The following ATG5 variants were observed in gnomAD, a reference collection of about 807,000 sequenced individuals.
ATG5 encodes the protein autophagy protein 5.
ATG5 carries 14 observed loss-of-function variants against 36.5 expected under a neutral mutation model. The ratio of observed to expected loss-of-function variants is 0.38; its 90% CI spans 0.25 to 0.60. The LOEUF (loss-of-function observed/expected upper bound fraction) is 0.60, where lower values mean the gene tolerates loss of function less well. ATG5 is among the 20% of genes least tolerant of loss of function. The pLI is 0.60. For missense variants in ATG5, 195 were observed against 326.7 expected (o/e 0.60, Z 3.11); for synonymous variants, 95 against 101.5 (o/e 0.94, Z 0.38).
chr6:106,234,983 A>G (rs1777837169), intron 6 of ATG5, among the ~76,000 whole-genome samples: 1 of 150,240 alleles, frequency 6.7e-6, no homozygotes, highest in Non-Finnish European at 1.5e-5. Flanking sequence ...GAATGTTGTT[A>G]TTATGTTATT....
At chr6:106,220,766 G>GA (rs562555626) in intron 6 of ATG5, among the ~76,000 whole-genome samples, 38 of 150,540 alleles carry the variant, frequency 2.5e-4, no homozygotes, top group African/African-American at 8.5e-4. Flanking sequence ...GAGAAGAACA[G>GA]AAAAAAAAAT....
chr6:106,280,932 T>A (rs1473868041), intron 4 of ATG5, among the ~76,000 whole-genome samples: 1 of 152,142 alleles, frequency 6.6e-6, no homozygotes, highest in Non-Finnish European at 1.5e-5. Context: ...TATTCAAACA[T>A]TATTTTACAA....
chr6:106,202,181 G>A, intron 6 of ATG5, 92 bp from the exon 7 acceptor site: 1 of 920,112 alleles, frequency 1.1e-6, no homozygotes, highest in Non-Finnish European at 1.7e-6. Flanking sequence ...GTTGGCATTA[G>A]GTGCCTTTTG....
chr6:106,302,845 G>A (rs1054228502), intron 3 of ATG5, among the ~76,000 whole-genome samples: 2 of 151,862 alleles, frequency 1.3e-5, no homozygotes, highest in Non-Finnish European at 2.9e-5. Flanking sequence ...AGACCCGAAT[G>A]AAAACAAAAA....
chr6:106,221,717 A>G (rs1397105131), intron 6 of ATG5, among the ~76,000 whole-genome samples: 1 of 151,724 alleles, frequency 6.6e-6, no homozygotes, highest in Admixed American at 6.6e-5. Flanking sequence ...GAAAGAAAAA[A>G]AAATCAAAAC....
intron 6 of ATG5, chr6:106,217,631 G>C (rs1777091389): frequency 6.6e-6 from 1 of 152,088 alleles, no homozygotes; most frequent in Non-Finnish European, 1.5e-5. Context: ...GCCATAGTAA[G>C]GGAACTCTTC....
chr6:106,322,187 C>G (rs1483739544), intron 1 of ATG5, among the ~76,000 whole-genome samples: 1 of 152,050 alleles, frequency 6.6e-6, no homozygotes, highest in African/African-American at 2.4e-5. Context: ...GCATCTAGTT[C>G]AGAGCCTGGG....
At chr6:106,228,220 G>A (rs996984743) in intron 6 of ATG5, among the ~76,000 whole-genome samples, 1 of 152,188 alleles carries the variant, frequency 6.6e-6, no homozygotes, top group African/African-American at 2.4e-5. Context: ...CTTCTGGTCC[G>A]TGTTTGTTAC....
chr6:106,201,361 C>A (rs1234844734), intron 7 of ATG5, among the ~76,000 whole-genome samples: 2 of 151,220 alleles, frequency 1.3e-5, no homozygotes, highest in South Asian at 4.2e-4. Context: ...TTGTTTTCTG[C>A]ATTTTCTTGG....
At chr6:106,229,436 G>GGA (rs899268653) in intron 6 of ATG5, among the ~76,000 whole-genome samples, 20 of 149,542 alleles carry the variant, frequency 1.3e-4, no homozygotes, top group East Asian at 5.8e-4. Context: ...GAGACAGAGA[G>GGA]GAGAGAGAGA....
chr6:106,296,471 T>G (rs978466964), intron 3 of ATG5, among the ~76,000 whole-genome samples: 8 of 152,242 alleles, frequency 5.3e-5, no homozygotes. Flanking sequence ...TACCCTTCTT[T>G]CATTTTCTTA....
chr6:106,247,218 A>G (rs1203420973), intron 6 of ATG5, among the ~76,000 whole-genome samples: 1 of 152,174 alleles, frequency 6.6e-6, no homozygotes, highest in Non-Finnish European at 1.5e-5. Flanking sequence ...TGGAAGTCCT[A>G]CTAGATTAGA....
chr6:106,223,918 A>C (rs1777347753), intron 6 of ATG5, among the ~76,000 whole-genome samples: 1 of 152,238 alleles, frequency 6.6e-6, no homozygotes, highest in Non-Finnish European at 1.5e-5. Flanking sequence ...CAAAATGAGG[A>C]GGTTAAATTA....
chr6:106,231,330 C>A (rs985057984), intron 6 of ATG5, among the ~76,000 whole-genome samples: 1 of 152,144 alleles, frequency 6.6e-6, no homozygotes, highest in Non-Finnish European at 1.5e-5. Flanking sequence ...GAAGTGTCGC[C>A]GTAACTGCAG....
At chr6:106,316,549 C>T (rs1770857855) in intron 1 of ATG5, among the ~76,000 whole-genome samples, 1 of 152,130 alleles carries the variant, frequency 6.6e-6, no homozygotes, top group Admixed American at 6.6e-5. Flanking sequence ...ACTGTATCTG[C>T]ATCAGTCTTT....
chr6:106,302,897 G>A (rs1357828029), intron 3 of ATG5, among the ~76,000 whole-genome samples: 1 of 152,012 alleles, frequency 6.6e-6, no homozygotes, highest in African/African-American at 2.4e-5. Flanking sequence ...AAGCCTGGCT[G>A]AAATAGATAT....
intron 6 of ATG5, among the ~76,000 whole-genome samples, chr6:106,235,412 G>A (rs539126717): frequency 1.1e-4 from 17 of 152,204 alleles, no homozygotes; most frequent in South Asian, 4.1e-4. Flanking sequence ...CCCCAATTCC[G>A]CAGGAAGCAG....
At chr6:106,283,073 G>A (rs1311230252) in intron 4 of ATG5, among the ~76,000 whole-genome samples, 1 of 152,052 alleles carries the variant, frequency 6.6e-6, no homozygotes, top group South Asian at 2.1e-4. Context: ...TTACGGGCAT[G>A]AGCCACTGCA....
intron 5 of ATG5, among the ~76,000 whole-genome samples, chr6:106,250,037 T>C (rs1243413103): frequency 2.6e-5 from 4 of 152,036 alleles, no homozygotes; most frequent in Non-Finnish European, 4.4e-5. Flanking sequence ...GTTCTGTACA[T>C]TGTTTTTTAA....
Sources: allele counts gnomAD v4.1 joint callset (sites outside exome capture counted in the v4.1 genomes callset), GRCh38; gene constraint gnomAD v4.1.1; transcripts MANE v1.5; gene names NCBI Gene and HGNC (gene_info 2026-07-23, HGNC 2026-07-21).